Variants in FCGR2B observed in about 807,000 individuals in gnomAD.
FCGR2B encodes the protein Fc gamma receptor IIb.
Under a neutral mutation model 24.8 loss-of-function variants are expected in FCGR2B, and 18 were observed. The observed-to-expected ratio is 0.73, with a 90% confidence interval of 0.50 to 1.08. The LOEUF is 1.08. Among genes scored for constraint, FCGR2B ranks in the 50% least tolerant of loss-of-function variants. The pLI is 0.00. For missense variants in FCGR2B, 215 were observed against 297.6 expected (o/e 0.72, Z 2.04); for synonymous variants, 79 against 109.8 (o/e 0.72, Z 1.75).
chr1:161,655,454 A>AGGGC, the FCGR2B span, among the ~76,000 whole-genome samples: 11 of 80,640 alleles, frequency 1.4e-4, no homozygotes, highest in Non-Finnish European at 2.8e-5. Context: ...TTCAAATTGG[A>AGGGC]GGGCTCTTTT....
chr1:161,661,220 AAG>A (rs1251866088), upstream of FCGR2B, among the ~76,000 whole-genome samples: 1 of 77,846 alleles, frequency 1.3e-5, no homozygotes, highest in African/African-American at 4.3e-5. Flanking sequence ...GAAAGAAAGA[AAG>A]AAAGAAAGAA....
At position 161,678,624 on chromosome 1, in the gene FCGR2B, A is replaced by G; in HGVS notation, c.*1071A>G. On this transcript the variant is annotated 3_prime_UTR_variant, in exon 8 of 8. Coordinates refer to ENST00000358671, the MANE Select transcript of FCGR2B (RefSeq NM_001394477.1). ...TCCATGTCTTCTTCTCTTTCCTCCT[A>G]TGGCAAATAAAACACTGTTTTGCAA... 5.0e-6 allele frequency: 1 copy of G among 201,926 alleles called. No homozygotes were observed. Among genetic ancestry groups the G allele is most frequent in the Non-Finnish European group, 1.0e-5 (1 of 98,150 alleles). 12.5% of individuals were successfully genotyped at this position (201,926 alleles called of 1,614,324 possible). A position where few individuals can be genotyped will look rare whatever the true frequency, so the allele number is the denominator to read the frequency against.
intron 1 of FCGR2B, among the ~76,000 whole-genome samples, chr1:161,669,140 G>C (rs963238972): frequency 7.1e-6 from 1 of 140,602 alleles, no homozygotes; most frequent in Admixed American, 7.4e-5. Context: ...CACAGATCTA[G>C]TGCCCTTTTG....
intron 5 of FCGR2B, 172 bp from the exon 6 acceptor site, chr1:161,675,085 C>T: frequency 1.8e-6 from 1 of 558,102 alleles, no homozygotes; most frequent in Non-Finnish European, 3.2e-6. Context: ...TGGACCAGCC[C>T]TTTTCCAGGC....
chr1:161,675,302 C>G lies in FCGR2B; in HGVS notation c.806C>G (p.Pro269Arg), dbSNP rs767109928. The G allele has an allele frequency of 6.2e-6, 10 of 1,601,684 alleles. No homozygotes were observed. Among genetic ancestry groups the G allele is most frequent in the African/African-American group, 1.3e-5 (1 of 74,140 alleles). Residue 269 changes from proline (P) to arginine (R), a missense_variant, in exon 6 of 8, where the codon CCT (proline) becomes CGT (arginine). Pro to Arg is a moderately radical substitution (Grantham distance 103, BLOSUM62 -2). Coordinates refer to ENST00000358671, the MANE Select transcript of FCGR2B (RefSeq NM_001394477.1). ...TGCAGGGAAATGGGAGAGACCCTCCCTGAGAAACCAGGTGAGTACAGGTTG... is the reference window on the plus strand; with the variant it reads ...TGCAGGGAAATGGGAGAGACCCTCCGTGAGAAACCAGGTGAGTACAGGTTG... The part of the protein sequence containing the change: ...PECREMGETL[P>R]EKPANPTNPD...
At chr1:161,671,891 C>A in intron 3 of FCGR2B, 4 of 707,592 alleles carry the variant, frequency 5.7e-6, no homozygotes. Flanking sequence ...TGCATAAAAC[C>A]CATTTCCATT....
the FCGR2B span, among the ~76,000 whole-genome samples, chr1:161,648,434 A>G: frequency 6.8e-6 from 1 of 147,926 alleles, no homozygotes; most frequent in African/African-American, 2.5e-5. Context: ...GTATACAGTG[A>G]TATTGTGTTT....
chr1:161,676,831 T>C (rs1437103885), intron 6 of FCGR2B: 6 of 163,002 alleles, frequency 3.7e-5, no homozygotes, highest in Non-Finnish European at 7.9e-5. Context: ...CTTCCTCCCT[T>C]TCTCACTCAC....
In FCGR2B at chr1:161,677,770, T is replaced by C; in HGVS notation, c.*217T>C. ...CCGACTGCACCTTCTGTGCTTCAGC[T>C]CTTCTTGACATCAAGGCTCTTCCGT... On this transcript the variant is annotated 3_prime_UTR_variant, in exon 8 of 8. Transcript: ENST00000358671. 2 of 537,632 alleles carry C rather than the reference T, an allele frequency of 3.7e-6. No individual in the cohort carries two copies. Among genetic ancestry groups the C allele is most frequent in the Non-Finnish European group, 6.5e-6 (2 of 306,774 alleles). The allele number at this position is 537,632 out of a possible 1,614,324, so 33.3% of individuals were successfully genotyped here. A position where few individuals can be genotyped will look rare whatever the true frequency, so the allele number is the denominator to read the frequency against.
At chr1:161,648,893 C>G in the FCGR2B span, among the ~76,000 whole-genome samples, 1 of 150,604 alleles carries the variant, frequency 6.6e-6, no homozygotes. Context: ...GGAATTTCAT[C>G]ATGTTTGTCA....
chr1:161,656,241 T>A, the FCGR2B span, among the ~76,000 whole-genome samples: 789 of 147,258 alleles, frequency 5.4e-3, 41 homozygotes, highest in Non-Finnish European at 8.8e-3. Context: ...GTCTCCTGCA[T>A]GTATCCTATC....
intron 5 of FCGR2B, chr1:161,674,519 G>C (rs939729391): frequency 1.0e-4 from 27 of 262,520 alleles, no homozygotes; most frequent in Non-Finnish European, 1.6e-4. Flanking sequence ...GACTGCCTGA[G>C]TTCAAATCTA....
At chr1:161,675,628 C>G in intron 6 of FCGR2B, 1 of 281,258 alleles carries the variant, frequency 3.6e-6, no homozygotes, top group Non-Finnish European at 6.6e-6. Context: ...TCCTGTGGAG[C>G]TTTGGCAGAG....
chr1:161,651,088 ATGGTG>A, the FCGR2B span, among the ~76,000 whole-genome samples: 1 of 115,176 alleles, frequency 8.7e-6, no homozygotes, highest in African/African-American at 3.1e-5. Flanking sequence ...GATGAAACAG[ATGGTG>A]AATGACTTCA....
the FCGR2B span, among the ~76,000 whole-genome samples, chr1:161,649,177 CAACTCAGATACA>C: frequency 6.6e-6 from 1 of 150,758 alleles, no homozygotes; most frequent in African/African-American, 2.5e-5. Context: ...GCTCATAAGC[CAACTCAGATACA>C]ACCGTAATAT....
At chr1:161,673,559 A>G (rs780740144) in intron 4 of FCGR2B, 3 of 710,770 alleles carry the variant, frequency 4.2e-6, no homozygotes, top group Admixed American at 1.8e-5. Flanking sequence ...GTTTGCCTTT[A>G]TTCTTCTCAT....
chr1:161,661,190 G>A (rs200201672), upstream of FCGR2B, among the ~76,000 whole-genome samples: 2 of 4,510 alleles, frequency 4.4e-4, no homozygotes, highest in East Asian at 7.5e-3. Context: ...AGGAAGAAAG[G>A]AAAGAAAGAA....
chr1:161,656,022 A>AT, the FCGR2B span, among the ~76,000 whole-genome samples: 1 of 131,220 alleles, frequency 7.6e-6, no homozygotes, highest in Non-Finnish European at 1.7e-5. Flanking sequence ...CCCCTGGCTA[A>AT]TTTTTTGTAT....
chr1:161,674,462 T>C lies in FCGR2B; in HGVS notation c.760+389T>C, dbSNP rs6667381. On this transcript the variant is annotated intron_variant, in intron 5 of 7. Coordinates refer to ENST00000358671, the MANE Select transcript of FCGR2B (RefSeq NM_001394477.1). ...GGGCTGAGGCAGTTGGAGAAGGTCTTGGGGAGAGCAGTGTAGTGTAGTGAT... is the reference window on the plus strand; with the variant it reads ...GGGCTGAGGCAGTTGGAGAAGGTCTCGGGGAGAGCAGTGTAGTGTAGTGAT... The C allele has an allele frequency of 8.5e-4, 311 of 365,402 alleles. 2 individuals are homozygous for C. Among genetic ancestry groups the C allele is most frequent in the South Asian group, 2.8e-3 (129 of 46,036 alleles). 22.6% of individuals were successfully genotyped at this position (365,402 alleles called of 1,614,324 possible).
Sources: allele counts gnomAD v4.1 joint callset (sites outside exome capture counted in the v4.1 genomes callset), GRCh38; gene constraint gnomAD v4.1.1; transcripts MANE v1.5; gene names NCBI Gene and HGNC (gene_info 2026-07-23, HGNC 2026-07-21).